RAPGEF2: variants seen among roughly 807,000 people sequenced by gnomAD.
The protein encoded by RAPGEF2 is PDZ domain containing guanine nucleotide exchange factor (GEF) 1.
In RAPGEF2, 54 loss-of-function variants were observed where a neutral mutation model predicts 186.7. That is an observed-to-expected ratio of 0.29 (90% CI 0.23 to 0.36). The LOEUF is 0.36. Among genes scored for constraint, RAPGEF2 ranks in the 10% least tolerant of loss-of-function variants. The pLI, the probability that RAPGEF2 is intolerant of heterozygous loss-of-function variation, is 1.00. For missense variants in RAPGEF2, 1,532 were observed against 2,045.0 expected, an observed-to-expected ratio of 0.75 and a Z score of 4.84; for synonymous variants, 712 against 705.9, an observed-to-expected ratio of 1.01 and a Z score of -0.14.
intron 4 of RAPGEF2, among the ~76,000 whole-genome samples, chr4:159,233,176 A>G (rs960306532): frequency 3.3e-5 from 5 of 152,156 alleles, no homozygotes; most frequent in Non-Finnish European, 7.4e-5. Context: ...TAGTTTATCT[A>G]TGTTTATTCT....
chr4:159,209,317 G>C (rs1343224384), intron 3 of RAPGEF2, among the ~76,000 whole-genome samples: 1 of 152,000 alleles, frequency 6.6e-6, no homozygotes, highest in Non-Finnish European at 1.5e-5. Context: ...AAAAAAGATG[G>C]TCTTATATGA....
intron 25 of RAPGEF2, among the ~76,000 whole-genome samples, chr4:159,348,978 C>G (rs976601781): frequency 1.3e-5 from 2 of 152,174 alleles, no homozygotes; most frequent in African/African-American, 4.8e-5. Flanking sequence ...TCTTTGTCAT[C>G]ACTAGCACCA....
chr4:159,104,517 A>AGAGAGAGAGAGAGAGG lies in RAPGEF2; in HGVS notation c.69+295_69+296insAGAGAGGGAGAGAGAG, dbSNP rs1737600058. ...GAGAGAGAGAGAGAGAGAGAGAGAGAGAGAGAGAGGGAGAGACAGAGAGAG... is the reference window on the plus strand; with the variant it reads ...GAGAGAGAGAGAGAGAGAGAGAGAGAGAGAGAGAGAGAGAGGGAGAGAGAGGGAGAGACAGAGAGAG... On this transcript the variant is annotated intron_variant, in intron 1 of 29. Coordinates refer to ENST00000691494, the MANE Select transcript of RAPGEF2 (RefSeq NM_001394067.2). 4.6e-5 allele frequency among the ~76,000 whole-genome samples: 6 copies of AGAGAGAGAGAGAGAGG among 130,512 alleles called. No homozygotes were observed. In the South Asian group the frequency reaches 1.2e-3, roughly 26 times the overall value. 85.6% of individuals were successfully genotyped at this position (130,512 alleles called of 152,430 possible).
intron 1 of RAPGEF2, among the ~76,000 whole-genome samples, chr4:159,140,220 GT>G (rs1333197035): frequency 3.3e-5 from 5 of 152,156 alleles, no homozygotes; most frequent in Non-Finnish European, 5.9e-5. Flanking sequence ...GGTAGAAATA[GT>G]TTTAGTGTAG....
At chr4:159,279,331 C>T (rs1233582822) in intron 7 of RAPGEF2, among the ~76,000 whole-genome samples, 1 of 152,228 alleles carries the variant, frequency 6.6e-6, no homozygotes, top group Non-Finnish European at 1.5e-5. Flanking sequence ...TTTGGGGAAG[C>T]TGCATGAAAC....
In RAPGEF2 at chr4:159,304,397, C is replaced by T; in HGVS notation, c.599C>T (p.Thr200Ile). Residue 200 changes from threonine (T) to isoleucine (I), a missense_variant, in exon 8 of 30, where the codon ACC (threonine) becomes ATC (isoleucine). Thr to Ile is a moderately conservative substitution (Grantham distance 89, BLOSUM62 -1). Coordinates refer to ENST00000691494, the MANE Select transcript of RAPGEF2 (RefSeq NM_001394067.2). ...ACTGACAGTCTCCACCCACAGGTGACCCACGTTTCTTCTAGCCATTCAGGA... is the reference window on the plus strand; with the variant it reads ...ACTGACAGTCTCCACCCACAGGTGATCCACGTTTCTTCTAGCCATTCAGGA... ...HLTDSLHPQV[T>I]HVSSSHSGCS... The T allele has an allele frequency of 6.2e-7, 1 of 1,603,096 alleles. No individual in the cohort carries two copies. Among genetic ancestry groups the T allele is most frequent in the South Asian group, 1.1e-5 (1 of 90,768 alleles).
intron 7 of RAPGEF2, among the ~76,000 whole-genome samples, chr4:159,270,598 A>G (rs1262078514): frequency 6.6e-6 from 1 of 152,036 alleles, no homozygotes; most frequent in Non-Finnish European, 1.5e-5. Context: ...CAGTTTTTCT[A>G]CTTTATCAGA....
rs980079251 is a variant in RAPGEF2 at position 159,301,655 on chromosome 4, G to T, written c.544-2687G>T. On this transcript the variant is annotated intron_variant, in intron 7 of 29. Coordinates refer to ENST00000691494, the MANE Select transcript of RAPGEF2 (RefSeq NM_001394067.2). ...GGATTACTTAAGGCCAGAAGTTTGA[G>T]ACCAACCTGGGCAACATAGAGAGAC... Among the ~76,000 whole-genome samples, 4 of 152,110 alleles carry T rather than the reference G, an allele frequency of 2.6e-5. No homozygotes were observed. In the East Asian group the frequency reaches 7.7e-4, roughly 29 times the overall value.
chr4:159,170,758 T>A (rs1346565527), intron 1 of RAPGEF2, among the ~76,000 whole-genome samples: 1 of 152,194 alleles, frequency 6.6e-6, no homozygotes. Context: ...ACTTTTGGGG[T>A]CATTTCCAGA....
chr4:159,251,919 C>T (rs1256404440), intron 7 of RAPGEF2, among the ~76,000 whole-genome samples: 1 of 152,092 alleles, frequency 6.6e-6, no homozygotes, highest in Non-Finnish European at 1.5e-5. Context: ...CGCTTTGGGT[C>T]TGCCACGTCT....
chr4:159,205,048 AT>A (rs1347652517), intron 3 of RAPGEF2, among the ~76,000 whole-genome samples: 1 of 152,216 alleles, frequency 6.6e-6, no homozygotes, highest in Non-Finnish European at 1.5e-5. Context: ...AATAGCACTG[AT>A]TAATACAATG....
chr4:159,222,199 C>T (rs2111406684), intron 4 of RAPGEF2, among the ~76,000 whole-genome samples: 1 of 152,284 alleles, frequency 6.6e-6, no homozygotes, highest in East Asian at 1.9e-4. Context: ...GGTTCAATTG[C>T]TGGATCAAGT....
chr4:159,207,880 T>G (rs1319626373), intron 3 of RAPGEF2, among the ~76,000 whole-genome samples: 2 of 152,226 alleles, frequency 1.3e-5, no homozygotes. Flanking sequence ...TTGAGAATAA[T>G]GCTGTCATAT....
intron 2 of RAPGEF2, among the ~76,000 whole-genome samples, chr4:159,189,421 T>G (rs564771617): frequency 1.3e-5 from 2 of 152,358 alleles, no homozygotes; most frequent in East Asian, 3.9e-4. Flanking sequence ...TTCTAATGTT[T>G]TATCCGTTTA....
chr4:159,288,023 C>T (rs1760733905), intron 7 of RAPGEF2, among the ~76,000 whole-genome samples: 1 of 152,208 alleles, frequency 6.6e-6, no homozygotes. Flanking sequence ...GTAGGCAGTA[C>T]AGACCTTGTT....
rs562497973 is a variant in RAPGEF2, at chr4:159,103,323, C to A, written c.-840C>A. On this transcript the variant is annotated 5_prime_UTR_variant, in exon 1 of 30. Coordinates refer to ENST00000691494, the MANE Select transcript of RAPGEF2 (RefSeq NM_001394067.2). Reference sequence around the variant, plus strand: ...GCGACTGGGCCGGAGGGCTGCAGCCCGGGCCGGGTGCTCTGGCCGCGGCGG... The same window carrying A: ...GCGACTGGGCCGGAGGGCTGCAGCCAGGGCCGGGTGCTCTGGCCGCGGCGG... 6.6e-6 allele frequency: 1 copy of A among 151,772 alleles called. No homozygotes were observed. The highest frequency in any genetic ancestry group is 2.4e-5 in the African/African-American group (1 of 41,244). 9.4% of individuals were successfully genotyped at this position (151,772 alleles called of 1,614,324 possible).
chr4:159,338,353 A>T lies in RAPGEF2; in HGVS notation c.2178A>T (p.Gly726=). ...AGTCTCAAGATGACAGCATAGTAGG[A>T]TTAAGGCAGACAAAGCACATCCCAA... ...IGQSQDDSIV[G]LRQTKHIPTA... The change falls in exon 18 of 30, where the codon GGA becomes GGT. Residue 726 remains glycine (G), a synonymous_variant. Coordinates refer to ENST00000691494, the MANE Select transcript of RAPGEF2 (RefSeq NM_001394067.2). 1.2e-6 allele frequency: 2 copies of T among 1,614,182 alleles called. No individual in the cohort carries two copies. The highest frequency in any genetic ancestry group is 1.7e-6 in the Non-Finnish European group (2 of 1,180,022).
In RAPGEF2 at chr4:159,168,276, C is replaced by T. The variant is rs1745539707; in HGVS notation, c.70-18366C>T. Among the ~76,000 whole-genome samples the T allele has an allele frequency of 2.0e-5, 3 of 152,040 alleles. No individual in the cohort carries two copies. In the South Asian group the frequency reaches 6.2e-4, roughly 32 times the overall value. On this transcript the variant is annotated intron_variant, in intron 1 of 29. Coordinates refer to ENST00000691494, the MANE Select transcript of RAPGEF2 (RefSeq NM_001394067.2). Reference sequence around the variant, plus strand: ...TTGAATGTTTTCACAAGCCAAATCTCCCCAGAAAGGCTGAGGAATTACTAC... The same window carrying T: ...TTGAATGTTTTCACAAGCCAAATCTTCCCAGAAAGGCTGAGGAATTACTAC...
chr4:159,178,614 G>C (rs1746698312), intron 1 of RAPGEF2, among the ~76,000 whole-genome samples: 1 of 128,622 alleles, frequency 7.8e-6, no homozygotes, highest in Non-Finnish European at 1.5e-5. Flanking sequence ...CTTGAGTGCT[G>C]CCGCGCGATT....
Sources: gnomAD v4.1 joint callset for allele counts (sites outside exome capture counted in the v4.1 genomes callset) on GRCh38, gnomAD v4.1.1 for gene constraint, MANE v1.5 for transcripts, NCBI Gene and HGNC (gene_info 2026-07-23, HGNC 2026-07-21) for gene names.